Variants in CDH9 observed in about 807,000 individuals in gnomAD.
CDH9 encodes cadherin 9, also known as cadherin-9.
A neutral mutation model predicts 70.9 loss-of-function variants in CDH9; 28 were observed. The ratio of observed to expected loss-of-function variants is 0.40; its 90% CI spans 0.29 to 0.54. The LOEUF is 0.54. Among genes scored for constraint, CDH9 ranks in the 20% least tolerant of loss-of-function variants. The pLI, the probability that CDH9 is intolerant of heterozygous loss-of-function variation, is 0.59. For missense variants in CDH9, 874 were observed against 984.4 expected (o/e 0.89, Z 1.50); for synonymous variants, 409 against 343.1 (o/e 1.19, Z -2.12).
intron 2 of CDH9, among the ~76,000 whole-genome samples, chr5:26,925,834 A>G (rs934685398): frequency 1.3e-5 from 2 of 152,128 alleles, no homozygotes; most frequent in African/African-American, 4.8e-5. Flanking sequence ...TGTTTTTGTC[A>G]GGTTTGTCAC....
At chr5:26,963,126 T>G (rs1263443722) in intron 2 of CDH9, among the ~76,000 whole-genome samples, 1 of 152,204 alleles carries the variant, frequency 6.6e-6, no homozygotes, top group African/African-American at 2.4e-5. Context: ...TAATCAGAAC[T>G]TATTAAATCG....
intron 1 of CDH9, among the ~76,000 whole-genome samples, chr5:27,037,109 T>C (rs1014008406): frequency 1.3e-5 from 2 of 151,962 alleles, no homozygotes; most frequent in Non-Finnish European, 2.9e-5. Context: ...TTTTACAAAA[T>C]TGAGAATCTT....
chr5:27,003,040 G>A (rs1333431956), intron 1 of CDH9, among the ~76,000 whole-genome samples: 1 of 152,068 alleles, frequency 6.6e-6, no homozygotes, highest in Admixed American at 6.6e-5. Flanking sequence ...AAATGCTTCA[G>A]AACAGAAATG....
At chr5:26,970,143 TAATA>T (rs1311481158) in intron 2 of CDH9, among the ~76,000 whole-genome samples, 1 of 151,458 alleles carries the variant, frequency 6.6e-6, no homozygotes, top group African/African-American at 2.4e-5. Flanking sequence ...GTTATTAAAT[TAATA>T]AAGTTAATGA....
chr5:26,899,225 A>G (rs76729262), intron 7 of CDH9, among the ~76,000 whole-genome samples: 4,266 of 152,132 alleles, frequency 0.028, 79 homozygotes, highest in East Asian at 0.1. Context: ...GTTGGTGGGA[A>G]TGTAAATTAG....
At chr5:26,985,851 T>A (rs560383717) in intron 2 of CDH9, among the ~76,000 whole-genome samples, 2 of 152,050 alleles carry the variant, frequency 1.3e-5, no homozygotes, top group Non-Finnish European at 2.9e-5. Context: ...TAAATCCTTA[T>A]CAGAACTCAT....
chr5:26,917,690 C>A (rs996899145), intron 2 of CDH9, among the ~76,000 whole-genome samples: 2 of 152,136 alleles, frequency 1.3e-5, no homozygotes. Context: ...CATCTGTCTC[C>A]ATCTCTATGG....
At chr5:26,914,510 T>A (rs552936721) in intron 3 of CDH9, among the ~76,000 whole-genome samples, 1 of 152,024 alleles carries the variant, frequency 6.6e-6, no homozygotes, top group Non-Finnish European at 1.5e-5. Context: ...ATTTGATAAA[T>A]TCCTTTTGTT....
At chr5:26,935,271 C>G (rs933149270) in intron 2 of CDH9, among the ~76,000 whole-genome samples, 4 of 152,086 alleles carry the variant, frequency 2.6e-5, no homozygotes, top group Non-Finnish European at 4.4e-5. Context: ...AAAATTTGTA[C>G]AGCCAATATA....
At position 26,883,041 on chromosome 5, in the gene CDH9, TTATATATATATATATATATATATATATA is replaced by T. The variant is rs59145200; in HGVS notation, c.1883-1446_1883-1419del. Among the ~76,000 whole-genome samples the T allele has an allele frequency of 5.2e-3, 303 of 58,030 alleles. 7 individuals carry two copies. Among genetic ancestry groups the T allele is most frequent in the African/African-American group, 0.018 (275 of 15,244 alleles). 38.1% of individuals were successfully genotyped at this position (58,030 alleles called of 152,430 possible). ...AAGCTGAGCTATATTCAGGATCATC[TTATATATATATATATATATATATATATA>T]TATATATATATATATATATATATAT... On this transcript the variant is annotated intron_variant, in intron 11 of 11. Transcript: ENST00000231021.
rs763505184 is a variant in CDH9, at chr5:26,890,310, C to A, written c.1390+118G>T. The stretch of plus-strand genomic sequence containing the variant: ...AATGTGTTGATATTCTAAGCCATTT[C>A]TCTAAGATCTTGCTAAGGATACAAT... On this transcript the variant is annotated intron_variant, in intron 8 of 11. Transcript: ENST00000231021. The A allele has an allele frequency of 8.7e-5, 67 of 773,394 alleles. 1 individual carries two copies. The highest frequency in any genetic ancestry group is 2.6e-4 in the Middle Eastern group (1 of 3,908). The allele number at this position is 773,394 out of a possible 1,614,324, so 47.9% of individuals were successfully genotyped here. A position where few individuals can be genotyped will look rare whatever the true frequency, so the allele number is the denominator to read the frequency against.
At chr5:26,902,751 G>C in intron 6 of CDH9, 22 bp from the exon 7 acceptor site, 1 of 1,392,094 alleles carries the variant, frequency 7.2e-7, no homozygotes, top group African/African-American at 1.4e-5. Context: ...TAACATAAAA[G>C]AAATTAGCAT....
At chr5:26,937,364 C>T (rs2112031108) in intron 2 of CDH9, among the ~76,000 whole-genome samples, 1 of 152,202 alleles carries the variant, frequency 6.6e-6, no homozygotes, top group East Asian at 1.9e-4. Context: ...GCACTGACAA[C>T]ATTAAATGCC....
In CDH9 at chr5:27,008,021, A is replaced by G. The variant is rs147615572; in HGVS notation, c.-49-19639T>C. Reference sequence around the variant, plus strand: ...CTGTGTAATTTTACATAGACGTTATACATGTGGAACAGAAAAACTGAATGA... The same window carrying G: ...CTGTGTAATTTTACATAGACGTTATGCATGTGGAACAGAAAAACTGAATGA... On this transcript the variant is annotated intron_variant, in intron 1 of 11. Coordinates refer to ENST00000231021, the MANE Select transcript of CDH9 (RefSeq NM_016279.4). Among the ~76,000 whole-genome samples the G allele has an allele frequency of 3.4e-3, 511 of 152,308 alleles. 1 individual carries two copies. The highest frequency in any genetic ancestry group is 5.8e-3 in the Admixed American group (89 of 15,276).
chr5:26,972,661 G>C (rs1175233), intron 2 of CDH9, among the ~76,000 whole-genome samples: 149,792 of 152,222 alleles, frequency 0.98, 73,761 homozygotes, highest in Middle Eastern at 1. Context: ...ACTTTCTCTA[G>C]TGGATGCTTT....
At chr5:26,975,791 A>G (rs1343196858) in intron 2 of CDH9, among the ~76,000 whole-genome samples, 8 of 152,204 alleles carry the variant, frequency 5.3e-5, no homozygotes, top group Non-Finnish European at 1.0e-4. Flanking sequence ...TATAGCCTAT[A>G]TCATAACCAG....
intron 3 of CDH9, among the ~76,000 whole-genome samples, chr5:26,912,095 T>C (rs1741064708): frequency 6.6e-6 from 1 of 152,176 alleles, no homozygotes; most frequent in South Asian, 2.1e-4. Flanking sequence ...TAAGACTCTA[T>C]TTCTTCACAA....
intron 2 of CDH9, among the ~76,000 whole-genome samples, chr5:26,951,325 G>T (rs1418498294): frequency 2.1e-5 from 3 of 141,846 alleles, no homozygotes; most frequent in African/African-American, 7.8e-5. Context: ...AAAGGTATGT[G>T]CATATGATCT....
intron 2 of CDH9, among the ~76,000 whole-genome samples, chr5:26,935,797 A>G (rs142074569): frequency 2.6e-5 from 4 of 152,334 alleles, no homozygotes; most frequent in Admixed American, 2.0e-4. Flanking sequence ...AAATAGACAC[A>G]TGCACATGCA....
Sources: allele counts gnomAD v4.1 joint callset (sites outside exome capture counted in the v4.1 genomes callset), GRCh38; gene constraint gnomAD v4.1.1; transcripts MANE v1.5; gene names NCBI Gene and HGNC (gene_info 2026-07-23, HGNC 2026-07-21).